PCLO: variants seen among roughly 807,000 people sequenced by gnomAD.
PCLO encodes protein piccolo.
Under a neutral mutation model 427.5 loss-of-function variants are expected in PCLO, and 82 were observed. The ratio of observed to expected loss-of-function variants is 0.19; its 90% CI spans 0.16 to 0.23. PCLO has a LOEUF of 0.23. Among genes scored for constraint, PCLO ranks in the 10% least tolerant of loss-of-function variants. The pLI, the probability that PCLO is intolerant of heterozygous loss-of-function variation, is 1.00. For missense variants in PCLO, 6,239 were observed against 6,115.9 expected, an observed-to-expected ratio of 1.02 and a Z score of -0.67; for synonymous variants, 2,357 against 2,155.4, an observed-to-expected ratio of 1.09 and a Z score of -2.59.
chr7:83,012,504 C>A (rs1788104954), intron 3 of PCLO, among the ~76,000 whole-genome samples: 1 of 151,502 alleles, frequency 6.6e-6, no homozygotes, highest in African/African-American at 2.4e-5. Flanking sequence ...GTAATCCCAG[C>A]TACTCAGGAG....
intron 6 of PCLO, among the ~76,000 whole-genome samples, chr7:82,918,758 T>C (rs1794527839): frequency 6.6e-6 from 1 of 152,048 alleles, no homozygotes; most frequent in South Asian, 2.1e-4. Context: ...TGATTATGAT[T>C]ATGAAATGGT....
intron 3 of PCLO, among the ~76,000 whole-genome samples, chr7:82,982,615 C>A (rs1293163213): frequency 1.3e-5 from 2 of 151,840 alleles, no homozygotes; most frequent in African/African-American, 4.8e-5. Context: ...TAAAAGCAAA[C>A]ACAAATTTTA....
Position 82,848,255 on chromosome 7 carries a change from T to C in PCLO, c.13655-1008A>G, listed in dbSNP as rs150013226. 1.4e-3 allele frequency among the ~76,000 whole-genome samples: 217 copies of C among 150,992 alleles called. 3 individuals carry two copies. Among genetic ancestry groups the C allele is most frequent in the African/African-American group, 5.1e-3 (210 of 41,304 alleles). On this transcript the variant is annotated intron_variant, in intron 10 of 24. Transcript: ENST00000333891. Reference sequence around the variant, plus strand: ...TATTTGTGAACTTCACCAGCTTTATTTGAGAAAAATGTCTATATACCACAA... The same window carrying C: ...TATTTGTGAACTTCACCAGCTTTATCTGAGAAAAATGTCTATATACCACAA...
At position 83,162,522 on chromosome 7, in the gene PCLO, C is replaced by T; in HGVS notation, c.71G>A (p.Gly24Glu). Reference sequence around the variant, plus strand: ...GGGGCTCCCCGCCCCGCTAGCTCCTCCTCCAGCCGCTGCGGCCGCCGCCAG... The same window carrying T: ...GGGGCTCCCCGCCCCGCTAGCTCCTTCTCCAGCCGCTGCGGCCGCCGCCAG... ...EGLAAAAAAG[G>E]GASGAGSPSH... is the part of the protein sequence containing the mutation. Residue 24 changes from glycine to glutamate, a missense_variant, in exon 1 of 25, where the codon GGA becomes GAA. By Grantham distance (98) the Gly-to-Glu change is moderately conservative. Coordinates refer to ENST00000333891, the MANE Select transcript of PCLO (RefSeq NM_033026.6). 1.9e-6 allele frequency: 3 copies of T among 1,558,020 alleles called. No homozygotes were observed. The highest frequency in any genetic ancestry group is 2.6e-6 in the Non-Finnish European group (3 of 1,152,060).
chr7:83,074,486 A>G (rs1355605040), intron 3 of PCLO, among the ~76,000 whole-genome samples: 1 of 149,788 alleles, frequency 6.7e-6, no homozygotes, highest in African/African-American at 2.5e-5. Flanking sequence ...GATAGGCTGC[A>G]TGGACACCTA....
rs62458594 is a variant in PCLO at position 83,051,603 on chromosome 7, C to T, written c.3300+82647G>A. 2.2e-3 allele frequency among the ~76,000 whole-genome samples: 336 copies of T among 151,960 alleles called. 1 individual carries two copies. Among genetic ancestry groups the T allele is most frequent in the Non-Finnish European group, 4.0e-3 (269 of 67,978 alleles). On this transcript the variant is annotated intron_variant, in intron 3 of 24. Coordinates refer to ENST00000333891, the MANE Select transcript of PCLO (RefSeq NM_033026.6). ...TATTTCAAATTCATGGACAGAAAGA[C>T]ATTATTGTTAAGTTGTCAACCTTTC... is the stretch of plus-strand genomic sequence containing the variant.
In PCLO at chr7:82,896,059, G is replaced by A. The variant is rs181360538; in HGVS notation, c.13528+6592C>T. ...ACAAACAATTACTTAACAAAGCAAAGTAAATCATGAAAAATTGCTGGCAAG... is the reference window on the plus strand; with the variant it reads ...ACAAACAATTACTTAACAAAGCAAAATAAATCATGAAAAATTGCTGGCAAG... On this transcript the variant is annotated intron_variant, in intron 9 of 24. Coordinates refer to ENST00000333891, the MANE Select transcript of PCLO (RefSeq NM_033026.6). Among the ~76,000 whole-genome samples, 242 of 151,848 alleles carry A rather than the reference G, an allele frequency of 1.6e-3. 1 individual carries two copies. Among genetic ancestry groups the A allele is most frequent in the African/African-American group, 5.6e-3 (231 of 41,496 alleles).
At chr7:83,057,317 CAT>C (rs1236982874) in intron 3 of PCLO, among the ~76,000 whole-genome samples, 1,617 of 25,794 alleles carry the variant, frequency 0.063, 64 homozygotes, top group East Asian at 0.069. Flanking sequence ...ATTATATATA[CAT>C]ATATATATAT....
chr7:83,118,464 T>C (rs1340155888), intron 3 of PCLO, among the ~76,000 whole-genome samples: 1 of 152,062 alleles, frequency 6.6e-6, no homozygotes, highest in African/African-American at 2.4e-5. Flanking sequence ...AGGACAGTCT[T>C]GAATTGCTGA....
chr7:83,135,006 G>A lies in PCLO; in HGVS notation c.2544C>T (p.Pro848=), dbSNP rs375555006. 33 of 1,613,600 alleles carry A rather than the reference G, an allele frequency of 2.0e-5. No homozygotes were observed. Among genetic ancestry groups the A allele is most frequent in the South Asian group, 1.4e-4 (13 of 91,058 alleles). The change falls in exon 3 of 25, where the codon CCC becomes CCT. Residue 848 remains proline, a synonymous_variant. Transcript: ENST00000333891. ...TCTTGGGTTCTTCCTTCTTTTGTAC[G>A]GGGTCAACTTGTTTTTGACCTTTGC... ...SESKGQKQVD[P]VQKKEEPKKA...
intron 3 of PCLO, among the ~76,000 whole-genome samples, chr7:83,125,188 G>A (rs1199948802): frequency 2.0e-5 from 3 of 152,112 alleles, no homozygotes; most frequent in Non-Finnish European, 2.9e-5. Flanking sequence ...CGTCTAGGAA[G>A]TGAGGAGCCT....
Position 83,146,889 on chromosome 7 carries a change from A to G in PCLO, c.1893+7859T>C, listed in dbSNP as rs531292204. ...AATGCTGGGATTACAAGCATGAGCC[A>G]CCGCACCCAGACCCAATAAATGATC... On this transcript the variant is annotated intron_variant, in intron 2 of 24. Transcript: ENST00000333891. Among the ~76,000 whole-genome samples, 9 of 152,186 alleles carry G rather than the reference A, an allele frequency of 5.9e-5. No individual in the cohort carries two copies. The East Asian group carries it at 1.7e-3, about 29-fold the overall frequency.
At chr7:82,794,203 C>G (rs1028141071) in intron 22 of PCLO, among the ~76,000 whole-genome samples, 9 of 151,846 alleles carry the variant, frequency 5.9e-5, no homozygotes, top group Non-Finnish European at 1.2e-4. Context: ...TGATGTCTCA[C>G]GCTGCAAGTT....
rs1795475582 is a variant in PCLO at position 82,955,065 on chromosome 7, T to C, written c.5888A>G (p.Asp1963Gly). 1.9e-6 allele frequency: 3 copies of C among 1,613,724 alleles called. No homozygotes were observed. Among genetic ancestry groups the C allele is most frequent in the African/African-American group, 2.7e-5 (2 of 74,930 alleles). ...EDYIYESLVE[D>G]TYNGSVDGSL... ...GCCATCTACCGATCCATTGTACGTGTCTTCTACTAAAGATTCATAAATATA... is the reference window on the plus strand; with the variant it reads ...GCCATCTACCGATCCATTGTACGTGCCTTCTACTAAAGATTCATAAATATA... The change falls in exon 5 of 25, where the codon GAC (aspartate) becomes GGC (glycine). Residue 1963 changes from aspartate (D) to glycine (G), a missense_variant. Around this residue, in one of 5 missense-constraint regions of PCLO, gnomAD observed 4,677 missense variants for 4,468.4 expected, o/e 1.05. Transcript: ENST00000333891.
chr7:83,055,912 G>A (rs1041517085), intron 3 of PCLO, among the ~76,000 whole-genome samples: 1 of 151,962 alleles, frequency 6.6e-6, no homozygotes, highest in African/African-American at 2.4e-5. Context: ...CCAACTTCTC[G>A]CTTGGGTGGG....
At chr7:82,917,229 C>T (rs896309774) in intron 6 of PCLO, among the ~76,000 whole-genome samples, 10 of 152,136 alleles carry the variant, frequency 6.6e-5, no homozygotes, top group South Asian at 2.1e-4. Flanking sequence ...CAAGTTAATG[C>T]GCCTATCTTC....
rs1795420442 is a variant in PCLO at position 82,953,612 on chromosome 7, A to C, written c.7341T>G (p.Ser2447=). Reference sequence around the variant, plus strand: ...ACAGAGGTGTAGCTGTAGTCACTGGAGATGCAACTGTTAACTTTTTTTTAG... The same window carrying C: ...ACAGAGGTGTAGCTGTAGTCACTGGCGATGCAACTGTTAACTTTTTTTTAG... The part of the protein sequence containing the change: ...ILPKKKLTVA[S]PVTTATPLFD... Residue 2447 remains serine (S), a synonymous_variant, in exon 5 of 25, where the codon TCT becomes TCG. Coordinates refer to ENST00000333891, the MANE Select transcript of PCLO (RefSeq NM_033026.6). The C allele has an allele frequency of 3.7e-6, 6 of 1,610,210 alleles. No individual in the cohort carries two copies. In the African/African-American group the frequency reaches 8.1e-5, roughly 22 times the overall value.
chr7:82,852,453 G>A (rs1007019061), intron 10 of PCLO, among the ~76,000 whole-genome samples: 6 of 152,158 alleles, frequency 3.9e-5, no homozygotes, highest in East Asian at 3.9e-4. Context: ...TGAGTCTTCC[G>A]GCCTTCATCT....
At chr7:83,065,226 A>G (rs1461411814) in intron 3 of PCLO, among the ~76,000 whole-genome samples, 3 of 151,922 alleles carry the variant, frequency 2.0e-5, no homozygotes, top group African/African-American at 7.2e-5. Context: ...ATGTTCTTCC[A>G]TATTTGCTCT....
Sources: gnomAD v4.1 joint callset for allele counts (sites outside exome capture counted in the v4.1 genomes callset) on GRCh38, gnomAD v4.1.1 for gene constraint, gnomAD v4.1.1 regional missense constraint, MANE v1.5 for transcripts, NCBI Gene and HGNC (gene_info 2026-07-23, HGNC 2026-07-21) for gene names.